Variants in SAC3D1 observed in about 807,000 individuals in gnomAD.
SAC3D1 encodes the protein SAC3 domain-containing protein 1.
A neutral mutation model predicts 12.7 loss-of-function variants in SAC3D1; 10 were observed. That is an observed-to-expected ratio of 0.79 (90% CI 0.49 to 1.34). The LOEUF is 1.34. Ranked by LOEUF, SAC3D1 falls within the 40% of genes most tolerant of loss-of-function variation. SAC3D1 has a pLI of 0.00. For missense variants in SAC3D1, 482 were observed against 531.1 expected (o/e 0.91, Z 0.91); for synonymous variants, 241 against 250.8 (o/e 0.96, Z 0.37).
At position 65,041,807 on chromosome 11, in the gene SAC3D1, G is replaced by A; in HGVS notation, c.515G>A (p.Gly172Asp). Residue 172 changes from glycine to aspartate, a missense_variant, in exon 1 of 2, where the codon GGC becomes GAC. Gly to Asp is a moderately conservative substitution (Grantham distance 94, BLOSUM62 -1). This residue lies in a region of SAC3D1 where 60 missense variants were observed against 106.9 expected (regional missense o/e 0.56). Coordinates refer to ENST00000652489, the MANE Select transcript of SAC3D1 (RefSeq NM_013299.4). The stretch of plus-strand genomic sequence containing the variant: ...TCGCTGCGGCGCTGCTACGCGCGGG[G>A]CGCCGGGCCGCACCCCCGCCAACCC... ...FGSLRRCYARGAGPHPRQPAF... is the reference protein window; with the variant it reads ...FGSLRRCYARDAGPHPRQPAF... 1 of 1,464,458 alleles carries A rather than the reference G, an allele frequency of 6.8e-7. No individual in the cohort carries two copies. 90.7% of individuals were successfully genotyped at this position (1,464,458 alleles called of 1,614,324 possible).
In SAC3D1 at chr11:65,044,596, G is replaced by T; in HGVS notation, c.946G>T (p.Glu316Ter). Residue 316 changes from glutamate to a stop codon, truncating the protein, a stop_gained, in exon 2 of 2, where the codon GAG (glutamate) becomes TAG (stop). Transcript: ENST00000652489. LOFTEE classifies it low-confidence loss of function (END_TRUNC). This position sits in a 1 kb window ranked among gnomAD's most constrained non-coding sequence, Gnocchi z 4.0. ...TGTGTTCCTGAGGGGTCGCTACGTG[G>T]AGGAAGGGCTACCGCCTGCCAGTAC... is the stretch of plus-strand genomic sequence containing the variant. ...RVVFLRGRYV[E>*]EGLPPASTCK... 1 of 1,614,078 alleles carries T rather than the reference G, an allele frequency of 6.2e-7. No homozygotes were observed. Among genetic ancestry groups the T allele is most frequent in the South Asian group, 1.1e-5 (1 of 91,090 alleles).
chr11:65,043,032 A>T (rs1373475471), intron 1 of SAC3D1: 1 of 446,048 alleles, frequency 2.2e-6, no homozygotes, highest in East Asian at 7.5e-5. Context: ...TAGAGATGGG[A>T]TCTCGCATGT....
chr11:65,041,595 G>C lies in SAC3D1; in HGVS notation c.303G>C (p.Val101=), dbSNP rs1213837969. ...DIARAEVASF[V]ADRLRAVLLD... The stretch of plus-strand genomic sequence containing the variant: ...CCCGCGCCGAGGTGGCCAGCTTCGT[G>C]GCAGACCGCTTGCGAGCTGTGCTCC... The change falls in exon 1 of 2, where the codon GTG becomes GTC. Residue 101 remains valine, a synonymous_variant. Transcript: ENST00000652489. 2 of 1,473,450 alleles carry C rather than the reference G, an allele frequency of 1.4e-6. No individual in the cohort carries two copies. The highest frequency in any genetic ancestry group is 1.8e-6 in the Non-Finnish European group (2 of 1,117,802). 91.3% of individuals were successfully genotyped at this position (1,473,450 alleles called of 1,614,324 possible). A position where few individuals can be genotyped will look rare whatever the true frequency, so the allele number is the denominator to read the frequency against.
rs1242995937 is a variant in SAC3D1 at position 65,041,214 on chromosome 11, C to G, written c.-79C>G. 1.8e-5 allele frequency: 25 copies of G among 1,384,992 alleles called. No individual in the cohort carries two copies. Among genetic ancestry groups the G allele is most frequent in the Non-Finnish European group, 1.9e-5 (20 of 1,050,502 alleles). 85.8% of individuals were successfully genotyped at this position (1,384,992 alleles called of 1,614,324 possible). On this transcript the variant is annotated 5_prime_UTR_variant, in exon 1 of 2. Transcript: ENST00000652489. Reference sequence around the variant, plus strand: ...GCCCCGACCCGCCGCTCCCCACCCCCCGGCCGGCCTCGCGTGCCTTCCCGC... The same window carrying G: ...GCCCCGACCCGCCGCTCCCCACCCCGCGGCCGGCCTCGCGTGCCTTCCCGC...
In SAC3D1 at chr11:65,044,337, C is replaced by T. The variant is rs1377145805; in HGVS notation, c.687C>T (p.Ala229=). 7 of 1,613,394 alleles carry T rather than the reference C, an allele frequency of 4.3e-6. No homozygotes were observed. In the South Asian group the frequency reaches 7.7e-5, roughly 18 times the overall value. Residue 229 remains alanine, a synonymous_variant, in exon 2 of 2, where the codon GCC becomes GCT. Coordinates refer to ENST00000652489, the MANE Select transcript of SAC3D1 (RefSeq NM_013299.4). This position sits in a 1 kb window ranked among gnomAD's most constrained non-coding sequence, Gnocchi z 4.0. The part of the protein sequence containing the change: ...VDAAFREGNA[A]RLFRLLQTLP... ...CTGCCTTCCGAGAGGGCAATGCTGC[C>T]CGCCTGTTCCGTCTGCTCCAGACCC...
Position 65,041,644 on chromosome 11 carries a change from G to C in SAC3D1, c.352G>C (p.Gly118Arg). The change falls in exon 1 of 2, where the codon GGC becomes CGC. Residue 118 changes from glycine (G) to arginine (R), a missense_variant. By Grantham distance (125) the Gly-to-Arg change is moderately radical. Transcript: ENST00000652489. ...VLLDLALQGA[G>R]DAEAAVVLEA... ...CCTGGACCTGGCGCTGCAGGGAGCG[G>C]GCGACGCCGAGGCAGCTGTGGTGCT... 1.4e-6 allele frequency: 2 copies of C among 1,446,188 alleles called. No individual in the cohort carries two copies. The highest frequency in any genetic ancestry group is 1.8e-6 in the Non-Finnish European group (2 of 1,102,622). 89.6% of individuals were successfully genotyped at this position (1,446,188 alleles called of 1,614,324 possible).
intron 1 of SAC3D1, chr11:65,042,912 T>A (rs1946634803): frequency 6.4e-6 from 2 of 311,980 alleles, no homozygotes; most frequent in Non-Finnish European, 1.3e-5. Context: ...TATAGTTCAC[T>A]GCAGCCTCAA....
chr11:65,041,525 C>T lies in SAC3D1; in HGVS notation c.233C>T (p.Thr78Ile). ...CGTCCGCCCTCCGTGCTGCTGGCCACCGTGCGCTACCTGGCCGGTGAGGTG... is the reference window on the plus strand; with the variant it reads ...CGTCCGCCCTCCGTGCTGCTGGCCATCGTGCGCTACCTGGCCGGTGAGGTG... ...QLRPPSVLLA[T>I]VRYLAGEVAE... The change falls in exon 1 of 2, where the codon ACC becomes ATC. Residue 78 changes from threonine to isoleucine, a missense_variant. By Grantham distance (89) the Thr-to-Ile change is moderately conservative (BLOSUM62 -1). This residue lies in a region of SAC3D1 where 197 missense variants were observed against 183.2 expected (regional missense o/e 1.08). Transcript: ENST00000652489. 1 of 1,464,776 alleles carries T rather than the reference C, an allele frequency of 6.8e-7. No homozygotes were observed. The highest frequency in any genetic ancestry group is 9.0e-7 in the Non-Finnish European group (1 of 1,114,382). 90.7% of individuals were successfully genotyped at this position (1,464,776 alleles called of 1,614,324 possible).
rs564465947 is a variant in SAC3D1, at chr11:65,041,667, G to C, written c.375G>C (p.Val125=). The part of the protein sequence containing the change: ...QGAGDAEAAV[V]LEAALATLLT... Reference sequence around the variant, plus strand: ...CGGGCGACGCCGAGGCAGCTGTGGTGCTGGAGGCGGCGCTGGCCACGCTGC... The same window carrying C: ...CGGGCGACGCCGAGGCAGCTGTGGTCCTGGAGGCGGCGCTGGCCACGCTGC... The change falls in exon 1 of 2, where the codon GTG becomes GTC. Residue 125 remains valine (V), a synonymous_variant. Transcript: ENST00000652489. 4.3e-5 allele frequency: 60 copies of C among 1,409,882 alleles called. No homozygotes were observed. The highest frequency in any genetic ancestry group is 5.3e-5 in the Non-Finnish European group (57 of 1,084,682). 87.3% of individuals were successfully genotyped at this position (1,409,882 alleles called of 1,614,324 possible).
Position 65,044,296 on chromosome 11 carries a change from G to C in SAC3D1, c.646G>C (p.Ala216Pro). Residue 216 changes from alanine (A) to proline (P), a missense_variant, in exon 2 of 2, where the codon GCC (alanine) becomes CCC (proline). This residue lies in a region of SAC3D1 where 225 missense variants were observed against 241.1 expected (regional missense o/e 0.93). Coordinates refer to ENST00000652489, the MANE Select transcript of SAC3D1 (RefSeq NM_013299.4). The surrounding 1 kb of genome is among the most constrained non-coding windows in gnomAD (Gnocchi z 4.0). ...GCGCGCCTGCCCGCCCCTCCGCAAG[G>C]CCTTGGCGGTAGATGCTGCCTTCCG... ...ALRACPPLRK[A>P]LAVDAAFREG... is the part of the protein sequence containing the mutation. The C allele has an allele frequency of 6.2e-7, 1 of 1,613,352 alleles. No individual in the cohort carries two copies. Among genetic ancestry groups the C allele is most frequent in the South Asian group, 1.1e-5 (1 of 91,084 alleles).
chr11:65,041,508 C>A lies in SAC3D1; in HGVS notation c.216C>A (p.Pro72=). 1 of 1,466,478 alleles carries A rather than the reference C, an allele frequency of 6.8e-7. No homozygotes were observed. The highest frequency in any genetic ancestry group is 1.3e-5 in the South Asian group (1 of 75,848). The allele number at this position is 1,466,478 out of a possible 1,614,324, so 90.8% of individuals were successfully genotyped here. ...PRPPPSQLRP[P]SVLLATVRYL... is the part of the protein sequence containing the mutation. ...CCCCGCCCAGCCAGTTGCGTCCGCCCTCCGTGCTGCTGGCCACCGTGCGCT... is the reference window on the plus strand; with the variant it reads ...CCCCGCCCAGCCAGTTGCGTCCGCCATCCGTGCTGCTGGCCACCGTGCGCT... The change falls in exon 1 of 2, where the codon CCC becomes CCA. Residue 72 remains proline, a synonymous_variant. Transcript: ENST00000652489.
intron 1 of SAC3D1, chr11:65,043,262 G>T: frequency 5.2e-6 from 1 of 190,668 alleles, no homozygotes; most frequent in South Asian, 6.4e-5. Flanking sequence ...GTAGTGGCAG[G>T]ACCATGATTT....
chr11:65,044,118 G>A lies in SAC3D1; in HGVS notation c.575-107G>A. The A allele has an allele frequency of 7.4e-7, 1 of 1,360,374 alleles. No individual in the cohort carries two copies. The highest frequency in any genetic ancestry group is 1.0e-6 in the Non-Finnish European group (1 of 985,828). 84.3% of individuals were successfully genotyped at this position (1,360,374 alleles called of 1,614,324 possible). A position where few individuals can be genotyped will look rare whatever the true frequency, so the allele number is the denominator to read the frequency against. On this transcript the variant is annotated intron_variant, in intron 1 of 1. Transcript: ENST00000652489. The surrounding 1 kb of genome is among the most constrained non-coding windows in gnomAD (Gnocchi z 4.0). ...GGAGAGGGAAGTTGGGCTAGGCCTA[G>A]AGAAGGGGCGTGGTCGAGGAGAGAG...
At position 65,044,821 on chromosome 11, in the gene SAC3D1, T is replaced by G; in HGVS notation, c.*94T>G. 1 of 1,350,806 alleles carries G rather than the reference T, an allele frequency of 7.4e-7. No individual in the cohort carries two copies. Among genetic ancestry groups the G allele is most frequent in the Non-Finnish European group, 9.9e-7 (1 of 1,007,340 alleles). 83.7% of individuals were successfully genotyped at this position (1,350,806 alleles called of 1,614,324 possible). ...TCCAGGTAATAAAAGGAACTTGTTT[T>G]GTTGGTACCAGTCACTAGATGTGAT... On this transcript the variant is annotated 3_prime_UTR_variant, in exon 2 of 2. Coordinates refer to ENST00000652489, the MANE Select transcript of SAC3D1 (RefSeq NM_013299.4). This position sits in a 1 kb window ranked among gnomAD's most constrained non-coding sequence, Gnocchi z 4.0.
rs927825275 is a variant in SAC3D1, at chr11:65,041,305, G to T, written c.13G>T (p.Glu5Ter). The part of the protein sequence containing the change: MPGC[E>*]LPVGTCPDMC... ...CCGCAGCCCCCTCATGCCCGGCTGC[G>T]AGCTGCCCGTGGGCACCTGCCCGGA... is the stretch of plus-strand genomic sequence containing the variant. Residue 5 changes from glutamate (E) to a stop codon, truncating the protein, a stop_gained, in exon 1 of 2, where the codon GAG (glutamate) becomes TAG (stop). Transcript: ENST00000652489. LOFTEE classifies it high-confidence loss of function. 6.6e-7 allele frequency: 1 copy of T among 1,504,484 alleles called. No homozygotes were observed. The highest frequency in any genetic ancestry group is 1.4e-5 in the African/African-American group (1 of 69,078). 93.2% of individuals were successfully genotyped at this position (1,504,484 alleles called of 1,614,324 possible). A position where few individuals can be genotyped will look rare whatever the true frequency, so the allele number is the denominator to read the frequency against.
Position 65,044,173 on chromosome 11 carries a change from G to A in SAC3D1, c.575-52G>A. On this transcript the variant is annotated intron_variant, in intron 1 of 1. Transcript: ENST00000652489. The surrounding 1 kb of genome is among the most constrained non-coding windows in gnomAD (Gnocchi z 4.0). Reference sequence around the variant, plus strand: ...GACAGGGTGTTGGGAGGGGAGATGAGCCTGATCCTGTAAGGACCAGGCGTC... The same window carrying A: ...GACAGGGTGTTGGGAGGGGAGATGAACCTGATCCTGTAAGGACCAGGCGTC... 6.3e-7 allele frequency: 1 copy of A among 1,583,314 alleles called. No homozygotes were observed. The highest frequency in any genetic ancestry group is 1.7e-5 in the Admixed American group (1 of 58,174).
In SAC3D1 at chr11:65,041,697, C is replaced by A. The variant is rs1439683542; in HGVS notation, c.405C>A (p.Thr135=). 7.5e-7 allele frequency: 1 copy of A among 1,326,978 alleles called. No homozygotes were observed. Among genetic ancestry groups the A allele is most frequent in the South Asian group, 2.1e-5 (1 of 48,558 alleles). 82.2% of individuals were successfully genotyped at this position (1,326,978 alleles called of 1,614,324 possible). ...VLEAALATLL[T]VVARLGPDAA... is the part of the protein sequence containing the mutation. Reference sequence around the variant, plus strand: ...AGGCGGCGCTGGCCACGCTGCTGACCGTAGTGGCGCGGCTCGGGCCCGACG... The same window carrying A: ...AGGCGGCGCTGGCCACGCTGCTGACAGTAGTGGCGCGGCTCGGGCCCGACG... The change falls in exon 1 of 2, where the codon ACC becomes ACA. Residue 135 remains threonine (T), a synonymous_variant. Coordinates refer to ENST00000652489, the MANE Select transcript of SAC3D1 (RefSeq NM_013299.4).
Sources: allele counts gnomAD v4.1 joint callset, GRCh38; gene constraint gnomAD v4.1.1; regional missense constraint gnomAD v4.1.1; non-coding constraint Gnocchi (gnomAD v3.1); transcripts MANE v1.5; gene names NCBI Gene and HGNC (gene_info 2026-07-23, HGNC 2026-07-21).